The following RABGAP1L variants were observed in gnomAD, a reference collection of about 807,000 sequenced individuals.
RABGAP1L encodes the protein RAB GTPase activating protein 1 like.
A neutral mutation model predicts 137.7 loss-of-function variants in RABGAP1L; 63 were observed. The observed-to-expected ratio is 0.46, with a 90% CI of 0.37 to 0.56. The LOEUF (loss-of-function observed/expected upper bound fraction) is 0.56, where lower values mean the gene tolerates loss of function less well. Ranked by LOEUF, RABGAP1L falls within the 20% of genes least tolerant of loss-of-function variation. The pLI is 0.00. For missense variants in RABGAP1L, 1,095 were observed against 1,244.0 expected (o/e 0.88, Z 1.80); for synonymous variants, 431 against 433.7 (o/e 0.99, Z 0.08).
intron 1 of RABGAP1L, among the ~76,000 whole-genome samples, chr1:174,174,947 C>T (rs1435573089): frequency 2.0e-5 from 3 of 152,082 alleles, no homozygotes; most frequent in Admixed American, 6.6e-5. Flanking sequence ...TCTGGGTATC[C>T]CCTAGTTTAG....
chr1:174,555,530 GT>G (rs1338577503), intron 13 of RABGAP1L, among the ~76,000 whole-genome samples: 1 of 147,886 alleles, frequency 6.8e-6, no homozygotes, highest in African/African-American at 2.7e-5. Context: ...AAAAATGTAT[GT>G]CCCCCCCCCA....
chr1:174,597,590 TTCTC>T (rs1187486620), intron 13 of RABGAP1L, among the ~76,000 whole-genome samples: 1 of 152,080 alleles, frequency 6.6e-6, no homozygotes, highest in Non-Finnish European at 1.5e-5. Flanking sequence ...TTTATTTGTC[TTCTC>T]TCTTTTTTTC....
At chr1:174,663,099 T>A (rs1263344896) in intron 14 of RABGAP1L, among the ~76,000 whole-genome samples, 4 of 152,202 alleles carry the variant, frequency 2.6e-5, no homozygotes, top group Non-Finnish European at 5.9e-5. Context: ...AAGCGTACAG[T>A]ATTTATAAAG....
At chr1:174,483,622 T>A (rs549336754) in intron 13 of RABGAP1L, among the ~76,000 whole-genome samples, 25 of 152,196 alleles carry the variant, frequency 1.6e-4, no homozygotes, top group African/African-American at 4.1e-4. Context: ...TGGTCAGAAG[T>A]TTGAGAACAG....
At chr1:174,597,556 AT>A (rs907328036) in intron 13 of RABGAP1L, among the ~76,000 whole-genome samples, 58 of 149,502 alleles carry the variant, frequency 3.9e-4, no homozygotes, top group Admixed American at 1.3e-3. Flanking sequence ...ATCAGTTGTA[AT>A]TTTTTTTTAA....
intron 13 of RABGAP1L, among the ~76,000 whole-genome samples, chr1:174,509,224 G>A (rs184661812): frequency 3.2e-4 from 48 of 152,186 alleles, no homozygotes; most frequent in African/African-American, 1.1e-3. Flanking sequence ...AATCAAACTA[G>A]CCCATTAAGT....
In RABGAP1L at chr1:174,543,568, T is replaced by C. The variant is rs1465850235; in HGVS notation, c.1711-93807T>C. On this transcript the variant is annotated intron_variant, in intron 13 of 25. Coordinates refer to ENST00000681986, the MANE Select transcript of RABGAP1L (RefSeq NM_001366446.1). ...TATCCAATTTAACAGTCTGTGTCTT[T>C]TAATTGAAACATTTAGCCCATTTAC... Among the ~76,000 whole-genome samples, 5 of 152,236 alleles carry C rather than the reference T, an allele frequency of 3.3e-5. No individual in the cohort carries two copies. In the South Asian group the frequency reaches 8.3e-4, roughly 25 times the overall value.
At chr1:174,451,143 C>T (rs1430733723) in intron 13 of RABGAP1L, among the ~76,000 whole-genome samples, 2 of 152,112 alleles carry the variant, frequency 1.3e-5, no homozygotes, top group African/African-American at 4.8e-5. Context: ...TATATTTATT[C>T]TTGTCCCCTG....
At chr1:174,366,540 T>A (rs781511180) in intron 11 of RABGAP1L, among the ~76,000 whole-genome samples, 8 of 151,786 alleles carry the variant, frequency 5.3e-5, no homozygotes, top group Non-Finnish European at 1.0e-4. Context: ...GAGGCTGAGG[T>A]GGACAGATCA....
rs576323630 is a variant in RABGAP1L at position 174,543,215 on chromosome 1, T to A, written c.1711-94160T>A. Among the ~76,000 whole-genome samples, 31 of 152,250 alleles carry A rather than the reference T, an allele frequency of 2.0e-4. 1 individual carries two copies. In the South Asian group the frequency reaches 5.2e-3, roughly 26 times the overall value. Reference sequence around the variant, plus strand: ...GGGGTGTTAAAGTCTCCCATTATTATTGTGTGGGAGTCTAAGTCTCTTTGT... The same window carrying A: ...GGGGTGTTAAAGTCTCCCATTATTAATGTGTGGGAGTCTAAGTCTCTTTGT... On this transcript the variant is annotated intron_variant, in intron 13 of 25. Transcript: ENST00000681986.
At chr1:174,310,210 C>T (rs555537664) in intron 11 of RABGAP1L, among the ~76,000 whole-genome samples, 12 of 151,968 alleles carry the variant, frequency 7.9e-5, no homozygotes, top group Non-Finnish European at 1.2e-4. Context: ...TGAAATGTCT[C>T]CTTGGTGTTC....
chr1:174,499,126 G>A (rs1661017889), intron 13 of RABGAP1L, among the ~76,000 whole-genome samples: 9 of 151,736 alleles, frequency 5.9e-5, no homozygotes. Flanking sequence ...GTTTCTTTAT[G>A]CAAAATTGCT....
chr1:174,824,461 C>T (rs1307799580), intron 19 of RABGAP1L, among the ~76,000 whole-genome samples: 1 of 152,014 alleles, frequency 6.6e-6, no homozygotes, highest in Non-Finnish European at 1.5e-5. Flanking sequence ...TGCCACTGCA[C>T]TCTGGCCTGG....
chr1:174,525,846 A>T (rs972173506), intron 13 of RABGAP1L, among the ~76,000 whole-genome samples: 3 of 152,074 alleles, frequency 2.0e-5, no homozygotes, highest in Admixed American at 2.0e-4. Flanking sequence ...TCATGAAGGG[A>T]CATTGAATTT....
intron 13 of RABGAP1L, among the ~76,000 whole-genome samples, chr1:174,618,840 C>G (rs1240795642): frequency 3.3e-5 from 5 of 152,150 alleles, no homozygotes; most frequent in Non-Finnish European, 5.9e-5. Context: ...TCAAGCTACT[C>G]CAAGCTACAG....
At chr1:174,378,744 C>G (rs1571504984) in intron 12 of RABGAP1L, among the ~76,000 whole-genome samples, 1 of 149,426 alleles carries the variant, frequency 6.7e-6, no homozygotes, top group African/African-American at 2.5e-5. Context: ...GTTGCCTGTT[C>G]ACTCTGATGG....
chr1:174,653,829 TAG>T (rs1387696211), intron 14 of RABGAP1L, among the ~76,000 whole-genome samples: 2 of 152,242 alleles, frequency 1.3e-5, no homozygotes, highest in Non-Finnish European at 2.9e-5. Flanking sequence ...TTCTTTGTCC[TAG>T]AGAGCCAAGT....
At chr1:174,204,602 A>T (rs919134517) in intron 1 of RABGAP1L, among the ~76,000 whole-genome samples, 2 of 152,128 alleles carry the variant, frequency 1.3e-5, no homozygotes, top group Non-Finnish European at 2.9e-5. Flanking sequence ...GAGAATTTTT[A>T]ACATGAAGGG....
At chr1:174,586,493 G>C (rs546032877) in intron 13 of RABGAP1L, among the ~76,000 whole-genome samples, 2 of 151,712 alleles carry the variant, frequency 1.3e-5, no homozygotes, top group Middle Eastern at 3.4e-3. Flanking sequence ...CATGACACAC[G>C]TTTACCTATG....
Sources: allele counts gnomAD v4.1 joint callset (sites outside exome capture counted in the v4.1 genomes callset), GRCh38; gene constraint gnomAD v4.1.1; transcripts MANE v1.5; gene names NCBI Gene and HGNC (gene_info 2026-07-23, HGNC 2026-07-21).